The following RNF145 variants were observed in gnomAD, a reference collection of about 807,000 sequenced individuals.
The protein encoded by RNF145 is ring finger protein 145.
RNF145 carries 12 observed loss-of-function variants against 57.3 expected under a neutral mutation model. That is an observed-to-expected ratio of 0.21 (90% CI 0.13 to 0.34). The LOEUF (loss-of-function observed/expected upper bound fraction) is 0.34. Ranked by LOEUF, RNF145 falls within the 10% of genes least tolerant of loss-of-function variation. The pLI, the probability that RNF145 is intolerant of heterozygous loss-of-function variation, is 1.00. For missense variants in RNF145, 429 were observed against 799.0 expected, an observed-to-expected ratio of 0.54 and a Z score of 5.58; for synonymous variants, 262 against 288.3, an observed-to-expected ratio of 0.91 and a Z score of 0.92.
chr5:159,210,015 A>C, upstream of RNF145: 1 of 865,312 alleles, frequency 1.2e-6, no homozygotes, highest in East Asian at 2.7e-5. Flanking sequence ...AAGTGCAGGC[A>C]CTCAAACCCC....
intron 4 of RNF145, among the ~76,000 whole-genome samples, chr5:159,178,579 T>C (rs72813991): frequency 0.12 from 18,308 of 151,966 alleles, 1,447 homozygotes; most frequent in South Asian, 0.2. Context: ...AAATGAAAAT[T>C]TGGGACTTGT....
chr5:159,208,539 T>A (rs1322825327), intron 1 of RNF145, among the ~76,000 whole-genome samples: 1 of 152,006 alleles, frequency 6.6e-6, no homozygotes, highest in Non-Finnish European at 1.5e-5. Flanking sequence ...GCCCTCTTAC[T>A]ATAAAAGGGA....
At chr5:159,198,307 C>T (rs1562073860) in intron 2 of RNF145, among the ~76,000 whole-genome samples, 1 of 151,862 alleles carries the variant, frequency 6.6e-6, no homozygotes, top group African/African-American at 2.4e-5. Flanking sequence ...GGAACAGACT[C>T]TGAGAACAGA....
At chr5:159,209,648 G>A (rs1482283811), upstream of RNF145, 3 of 998,058 alleles carry the variant, frequency 3.0e-6, no homozygotes, top group Non-Finnish European at 3.9e-6. Context: ...ACTCACAATC[G>A]CGCCCGCGGA....
chr5:159,208,768 G>A (rs2113265530), intron 1 of RNF145, among the ~76,000 whole-genome samples: 1 of 152,220 alleles, frequency 6.6e-6, no homozygotes, highest in Non-Finnish European at 1.5e-5. Context: ...AAACGAGAAA[G>A]GGAGCTGGAA....
chr5:159,178,990 AG>A (rs1394764039), intron 4 of RNF145, among the ~76,000 whole-genome samples: 6 of 152,110 alleles, frequency 3.9e-5, no homozygotes, highest in African/African-American at 1.4e-4. Flanking sequence ...AAAGGCATAA[AG>A]AAAAGAAAAA....
chr5:159,175,798 T>C (rs1263517194), intron 5 of RNF145, among the ~76,000 whole-genome samples: 2 of 152,206 alleles, frequency 1.3e-5, no homozygotes, highest in Non-Finnish European at 2.9e-5. Flanking sequence ...ACTTAGCTGT[T>C]ATCAGTTTGT....
At chr5:159,167,706 A>T (rs1784431807) in intron 8 of RNF145, among the ~76,000 whole-genome samples, 2 of 152,204 alleles carry the variant, frequency 1.3e-5, no homozygotes, top group South Asian at 4.1e-4. Context: ...TAAACCTCAC[A>T]AACAAATGTG....
At chr5:159,206,938 C>A (rs1427059121) in intron 1 of RNF145, among the ~76,000 whole-genome samples, 1 of 148,204 alleles carries the variant, frequency 6.7e-6, no homozygotes, top group African/African-American at 2.5e-5. Context: ...ATGTTTTACA[C>A]AGTAAAACAG....
intron 1 of RNF145, chr5:159,208,055 C>T: frequency 6.7e-7 from 1 of 1,500,532 alleles, no homozygotes; most frequent in South Asian, 1.3e-5. Context: ...CTGCAGACTG[C>T]GACGCAAGGC....
chr5:159,160,580 C>T (rs1438735984), intron 10 of RNF145, among the ~76,000 whole-genome samples: 13 of 152,156 alleles, frequency 8.5e-5, no homozygotes, highest in Admixed American at 7.9e-4. Flanking sequence ...TCCAACAGTG[C>T]GGCCTCTTGC....
chr5:159,201,607 A>G (rs1785669896), intron 2 of RNF145, among the ~76,000 whole-genome samples: 1 of 152,218 alleles, frequency 6.6e-6, no homozygotes, highest in Non-Finnish European at 1.5e-5. Context: ...ACAAAACTCT[A>G]TTTCATAAAT....
At position 159,158,773 on chromosome 5, in the gene RNF145, T is replaced by C. The variant is rs1340680418; in HGVS notation, c.1889A>G (p.Asn630Ser). 3 of 1,613,866 alleles carry C rather than the reference T, an allele frequency of 1.9e-6. No homozygotes were observed. Among genetic ancestry groups the C allele is most frequent in the African/African-American group, 1.3e-5 (1 of 74,910 alleles). The change falls in exon 11 of 11, where the codon AAT (asparagine) becomes AGT (serine). Residue 630 changes from asparagine to serine, a missense_variant. Asn to Ser is a conservative substitution (Grantham distance 46). Coordinates refer to ENST00000424310, the MANE Select transcript of RNF145 (RefSeq NM_001199383.2). The part of the protein sequence containing the change: ...TRIQEGSRDN[N>S]EYIARRPDNQ... Reference sequence around the variant, plus strand: ...ATCTGGTCGTCTGGCAATGTACTCATTATTGTCCCTGGAACCTTCCTGTAT... The same window carrying C: ...ATCTGGTCGTCTGGCAATGTACTCACTATTGTCCCTGGAACCTTCCTGTAT...
chr5:159,198,857 T>C (rs1785562813), intron 2 of RNF145, among the ~76,000 whole-genome samples: 1 of 152,042 alleles, frequency 6.6e-6, no homozygotes, highest in Non-Finnish European at 1.5e-5. Flanking sequence ...CCTTGGTATA[T>C]GCCTGTAGTA....
chr5:159,169,034 C>A lies in RNF145; in HGVS notation c.960G>T (p.Thr320=), dbSNP rs568537586. ...AMNRGMTEGV[T]LLILAVQTGL... ...CAGTCTGCACTGCCAGGATTAACAG[C>A]GTTACTCCTTCTGTCATGCCCCTAA... Residue 320 remains threonine, a synonymous_variant, in exon 8 of 11, where the codon ACG becomes ACT. Coordinates refer to ENST00000424310, the MANE Select transcript of RNF145 (RefSeq NM_001199383.2). The A allele has an allele frequency of 1.9e-6, 3 of 1,572,826 alleles. No homozygotes were observed. The highest frequency in any genetic ancestry group is 1.4e-5 in the African/African-American group (1 of 72,608).
At chr5:159,188,155 G>A (rs1785149322) in intron 3 of RNF145, among the ~76,000 whole-genome samples, 1 of 152,136 alleles carries the variant, frequency 6.6e-6, no homozygotes, top group South Asian at 2.1e-4. Flanking sequence ...GGCCAAGGCG[G>A]GCGGATCACA....
chr5:159,193,822 A>C (rs1404847871), intron 3 of RNF145, among the ~76,000 whole-genome samples: 1 of 152,218 alleles, frequency 6.6e-6, no homozygotes, highest in Non-Finnish European at 1.5e-5. Flanking sequence ...GACTCTTATT[A>C]TGGCTTGTAC....
At chr5:159,206,618 G>T (rs866246219) in intron 1 of RNF145, among the ~76,000 whole-genome samples, 11 of 152,122 alleles carry the variant, frequency 7.2e-5, no homozygotes, top group African/African-American at 2.7e-4. Flanking sequence ...CCTTTATAAT[G>T]TTGCCTAATT....
chr5:159,193,247 C>T (rs1785346963), intron 3 of RNF145, among the ~76,000 whole-genome samples: 1 of 152,162 alleles, frequency 6.6e-6, no homozygotes, highest in Non-Finnish European at 1.5e-5. Flanking sequence ...GTGAGGATTG[C>T]AAGAAATGCA....
Sources: gnomAD v4.1 joint callset for allele counts (sites outside exome capture counted in the v4.1 genomes callset) on GRCh38, gnomAD v4.1.1 for gene constraint, MANE v1.5 for transcripts, NCBI Gene and HGNC (gene_info 2026-07-23, HGNC 2026-07-21) for gene names.